Variants in MAGI3 observed in about 807,000 individuals in gnomAD.
MAGI3 encodes the protein membrane associated guanylate kinase, WW and PDZ domain containing 3.
MAGI3 carries 43 observed loss-of-function variants against 121.8 expected under a neutral mutation model. That is an observed-to-expected ratio of 0.35 (90% confidence interval 0.28 to 0.46). The LOEUF is 0.46. Among genes scored for constraint, MAGI3 ranks in the 20% least tolerant of loss-of-function variants. MAGI3 has a pLI of 1.00. For synonymous variants in MAGI3, 553 were observed against 639.3 expected (o/e 0.86, Z 2.04); for missense variants, 1,547 against 1,797.3 (o/e 0.86, Z 2.52).
intron 11 of MAGI3, 96 bp from the exon 12 acceptor site, chr1:113,646,390 T>TAATC: frequency 1.0e-6 from 1 of 1,000,310 alleles, no homozygotes; most frequent in Non-Finnish European, 1.4e-6. Flanking sequence ...TATACAACTA[T>TAATC]AATCAGTTGA....
chr1:113,411,190 T>C (rs1651957540), intron 1 of MAGI3, among the ~76,000 whole-genome samples: 1 of 152,150 alleles, frequency 6.6e-6, no homozygotes, highest in South Asian at 2.1e-4. Context: ...AACATTAATA[T>C]ATAATTTATT....
chr1:113,552,536 C>T (rs1295877252), intron 2 of MAGI3, among the ~76,000 whole-genome samples: 1 of 152,162 alleles, frequency 6.6e-6, no homozygotes, highest in African/African-American at 2.4e-5. Context: ...CTTGTTAAAA[C>T]AAGATAATAA....
intron 19 of MAGI3, among the ~76,000 whole-genome samples, chr1:113,673,714 C>CA (rs1322561688): frequency 6.6e-6 from 1 of 152,142 alleles, no homozygotes; most frequent in Non-Finnish European, 1.5e-5. Context: ...TGACCTTGGT[C>CA]AATAAGAAAA....
chr1:113,404,829 A>G (rs936754382), intron 1 of MAGI3, among the ~76,000 whole-genome samples: 1 of 152,118 alleles, frequency 6.6e-6, no homozygotes, highest in African/African-American at 2.4e-5. Context: ...TCTTCACCCC[A>G]AGGTCTAGAA....
intron 1 of MAGI3, among the ~76,000 whole-genome samples, chr1:113,443,726 A>C (rs1407988048): frequency 6.6e-6 from 1 of 152,216 alleles, no homozygotes; most frequent in East Asian, 1.9e-4. Context: ...AAATGTGATA[A>C]AAATTGTTGG....
At chr1:113,577,857 A>C (rs1236369274) in intron 2 of MAGI3, among the ~76,000 whole-genome samples, 1 of 152,196 alleles carries the variant, frequency 6.6e-6, no homozygotes, top group Non-Finnish European at 1.5e-5. Flanking sequence ...CCTTTCGATC[A>C]GTGCTGTTTT....
At chr1:113,442,357 CAT>C (rs947644930) in intron 1 of MAGI3, among the ~76,000 whole-genome samples, 3 of 151,980 alleles carry the variant, frequency 2.0e-5, no homozygotes, top group African/African-American at 7.3e-5. Flanking sequence ...CAGTCAGAGA[CAT>C]ATGTAAAGCA....
In MAGI3 at chr1:113,678,057, A is replaced by G. The variant is rs922511081; in HGVS notation, c.3190-3141A>G. ...CCCCTCCTTCCCCTCATTCAGTTTTAAAGTTAAACAGAAATGACACCTGGT... is the reference window on the plus strand; with the variant it reads ...CCCCTCCTTCCCCTCATTCAGTTTTGAAGTTAAACAGAAATGACACCTGGT... On this transcript the variant is annotated intron_variant, in intron 19 of 20. Transcript: ENST00000307546. 7.2e-5 allele frequency among the ~76,000 whole-genome samples: 11 copies of G among 152,080 alleles called. No individual in the cohort carries two copies. In the East Asian group the frequency reaches 1.3e-3, roughly 19 times the overall value.
chr1:113,629,979 G>A (rs1651519775), intron 9 of MAGI3, among the ~76,000 whole-genome samples: 1 of 151,970 alleles, frequency 6.6e-6, no homozygotes, highest in Admixed American at 6.6e-5. Flanking sequence ...TCAAGGCCCT[G>A]GAGCCCTATG....
chr1:113,478,307 G>T (rs1314882280), intron 1 of MAGI3, among the ~76,000 whole-genome samples: 1 of 152,132 alleles, frequency 6.6e-6, no homozygotes, highest in East Asian at 1.9e-4. Context: ...AGGAGATGAG[G>T]TGCTCTGATT....
At position 113,400,869 on chromosome 1, in the gene MAGI3, G is replaced by A. The variant is rs187964072; in HGVS notation, c.316+9520G>A. ...AGCAATCTCACAATGTAATGCTGAT[G>A]ACTGAAATGACACTTCAGCCTCCCT... is the stretch of plus-strand genomic sequence containing the variant. On this transcript the variant is annotated intron_variant, in intron 1 of 20. Transcript: ENST00000307546. Among the ~76,000 whole-genome samples the A allele has an allele frequency of 1.9e-3, 284 of 152,232 alleles. 4 individuals are homozygous for A. Among genetic ancestry groups the A allele is most frequent in the Non-Finnish European group, 9.0e-4 (61 of 67,968 alleles).
At position 113,422,694 on chromosome 1, in the gene MAGI3, G is replaced by A. The variant is rs1035635761; in HGVS notation, c.316+31345G>A. Among the ~76,000 whole-genome samples, 1 of 152,248 alleles carries A rather than the reference G, an allele frequency of 6.6e-6. No individual in the cohort carries two copies. Among genetic ancestry groups the A allele is most frequent in the Non-Finnish European group, 1.5e-5 (1 of 68,044 alleles). ...GGCACTAGTGTCTGGATAAGGGAAC[G>A]TGGTGGCGCCTGAAAGCTGAGAGAT... On this transcript the variant is annotated intron_variant, in intron 1 of 20. Coordinates refer to ENST00000307546, the MANE Select transcript of MAGI3 (RefSeq NM_001142782.2). The surrounding 1 kb of genome is among the most constrained non-coding windows in gnomAD (Gnocchi z 4.3).
At chr1:113,396,019 GAGA>G (rs1162846012) in intron 1 of MAGI3, among the ~76,000 whole-genome samples, 1 of 151,990 alleles carries the variant, frequency 6.6e-6, no homozygotes, top group Non-Finnish European at 1.5e-5. Context: ...TTTGTTTTGA[GAGA>G]CAAATTTTTG....
At chr1:113,574,174 G>C (rs1305556301) in intron 2 of MAGI3, among the ~76,000 whole-genome samples, 1 of 151,946 alleles carries the variant, frequency 6.6e-6, no homozygotes, top group East Asian at 1.9e-4. Flanking sequence ...CTTTTAATTG[G>C]GGTATTCAGC....
At chr1:113,450,559 T>G in intron 1 of MAGI3, 2 of 1,032,838 alleles carry the variant, frequency 1.9e-6, no homozygotes, top group Non-Finnish European at 3.0e-6. Context: ...TTGGCGGTGG[T>G]AACTATGGTG....
At chr1:113,580,468 A>G in intron 2 of MAGI3, 74 bp from the exon 3 acceptor site, 1 of 1,403,854 alleles carries the variant, frequency 7.1e-7, no homozygotes, top group South Asian at 1.4e-5. Context: ...TACAAACTGA[A>G]TATTCTTTTA....
intron 7 of MAGI3, among the ~76,000 whole-genome samples, chr1:113,615,624 G>A (rs891290349): frequency 6.6e-6 from 1 of 152,104 alleles, no homozygotes; most frequent in African/African-American, 2.4e-5. Flanking sequence ...GTTGTTACTT[G>A]AGTCACTGTG....
intron 12 of MAGI3, 31 bp downstream of exon 12, chr1:113,646,673 A>G: frequency 6.7e-7 from 1 of 1,495,412 alleles, no homozygotes; most frequent in Non-Finnish European, 9.0e-7. Flanking sequence ...TCAGGAGAGC[A>G]TATAACAAGA....
chr1:113,548,020 A>T (rs1384875190), intron 1 of MAGI3, among the ~76,000 whole-genome samples: 1 of 152,228 alleles, frequency 6.6e-6, no homozygotes, highest in Non-Finnish European at 1.5e-5. Flanking sequence ...GCTTATGTTA[A>T]CACCGTCTTG....
Sources: gnomAD v4.1 joint callset for allele counts (sites outside exome capture counted in the v4.1 genomes callset) on GRCh38, gnomAD v4.1.1 for gene constraint, Gnocchi (gnomAD v3.1) non-coding constraint, MANE v1.5 for transcripts, NCBI Gene and HGNC (gene_info 2026-07-23, HGNC 2026-07-21) for gene names.